The following CC2D1A variants were observed in gnomAD, a reference collection of about 807,000 sequenced individuals.
CC2D1A encodes coiled-coil and C2 domain containing 1A.
A neutral mutation model predicts 123.8 loss-of-function variants in CC2D1A; 68 were observed. That is an observed-to-expected ratio of 0.55 (90% confidence interval 0.45 to 0.67). The LOEUF (loss-of-function observed/expected upper bound fraction) is 0.67. Among genes scored for constraint, CC2D1A ranks in the 30% least tolerant of loss-of-function variants. The pLI, the probability that CC2D1A is intolerant of heterozygous loss-of-function variation, is 0.00. For synonymous variants in CC2D1A, 477 were observed against 528.0 expected, an observed-to-expected ratio of 0.90 and a Z score of 1.32; for missense variants, 1,185 against 1,290.3, an observed-to-expected ratio of 0.92 and a Z score of 1.25.
chr19:13,916,312 T>G (rs1971205940), intron 6 of CC2D1A, among the ~76,000 whole-genome samples: 1 of 151,564 alleles, frequency 6.6e-6, no homozygotes, highest in Non-Finnish European at 1.5e-5. Context: ...CACCTATAAT[T>G]CCAGCACTCT....
chr19:13,906,383 G>A lies in CC2D1A; in HGVS notation c.-59G>A. ...CGAGTGCGCGGCGACAGAGCCCGGGGAAGGAGGCAGGGCAAGGCCGGGCTT... is the reference window on the plus strand; with the variant it reads ...CGAGTGCGCGGCGACAGAGCCCGGGAAAGGAGGCAGGGCAAGGCCGGGCTT... On this transcript the variant is annotated 5_prime_UTR_variant, in exon 1 of 29. Coordinates refer to ENST00000318003, the MANE Select transcript of CC2D1A (RefSeq NM_017721.5). The surrounding 1 kb of genome is among the most constrained non-coding windows in gnomAD (Gnocchi z 4.1). The A allele has an allele frequency of 7.2e-7, 1 of 1,380,666 alleles. No homozygotes were observed. The allele number at this position is 1,380,666 out of a possible 1,614,324, so 85.5% of individuals were successfully genotyped here.
intron 6 of CC2D1A, among the ~76,000 whole-genome samples, chr19:13,915,135 T>A (rs1413769549): frequency 1.3e-5 from 2 of 152,268 alleles, no homozygotes; most frequent in Non-Finnish European, 1.5e-5. Flanking sequence ...CAAAAATTTT[T>A]CACAATGGAA....
At chr19:13,919,265 A>C in intron 11 of CC2D1A, 63 bp downstream of exon 11, 3 of 1,310,520 alleles carry the variant, frequency 2.3e-6, no homozygotes, top group Non-Finnish European at 3.1e-6. Flanking sequence ...CCGCCCCCAG[A>C]GGCCCCGCCG....
In CC2D1A at chr19:13,930,353, C is replaced by A. The variant is rs1479551639; in HGVS notation, c.2836-22C>A. 3 of 1,613,494 alleles carry A rather than the reference C, an allele frequency of 1.9e-6. 1 individual carries two copies. The South Asian group carries it at 3.3e-5, about 18-fold the overall frequency. ...GTGGTCGTAGCCCACCTCCATGACCCCAGTGGCCTCCTCTCCCCCAGCTGC... is the reference window on the plus strand; with the variant it reads ...GTGGTCGTAGCCCACCTCCATGACCACAGTGGCCTCCTCTCCCCCAGCTGC... On this transcript the variant is annotated intron_variant, in intron 28 of 28. Coordinates refer to ENST00000318003, the MANE Select transcript of CC2D1A (RefSeq NM_017721.5). This position sits in a 1 kb window ranked among gnomAD's most constrained non-coding sequence, Gnocchi z 6.8.
At position 13,929,538 on chromosome 19, in the gene CC2D1A, T is replaced by C; in HGVS notation, c.2588T>C (p.Leu863Pro). ...FDQERLERKI[L>P]ALRQARRPVP... ...AGGACCCTCTGTATCCTCTAGATCC[T>C]GGCCCTCAGGCAGGCGCGGCGGCCG... is the stretch of plus-strand genomic sequence containing the variant. The change falls in exon 26 of 29, where the codon CTG (leucine) becomes CCG (proline). Residue 863 changes from leucine (L) to proline (P), a missense_variant. By Grantham distance (98) the Leu-to-Pro change is moderately conservative. Transcript: ENST00000318003. The C allele has an allele frequency of 6.2e-7, 1 of 1,611,976 alleles. No individual in the cohort carries two copies. The highest frequency in any genetic ancestry group is 8.5e-7 in the Non-Finnish European group (1 of 1,179,780).
In CC2D1A at chr19:13,906,520, G is replaced by A; in HGVS notation, c.60+19G>A. ...CCGCCAGGTGAGTTTGCGCCCCACGGCCCGACCTGGGGATCCCTCCCCACC... is the reference window on the plus strand; with the variant it reads ...CCGCCAGGTGAGTTTGCGCCCCACGACCCGACCTGGGGATCCCTCCCCACC... On this transcript the variant is annotated intron_variant, in intron 1 of 28. Coordinates refer to ENST00000318003, the MANE Select transcript of CC2D1A (RefSeq NM_017721.5). The surrounding 1 kb of genome is among the most constrained non-coding windows in gnomAD (Gnocchi z 4.1). 2.0e-6 allele frequency: 3 copies of A among 1,466,036 alleles called. No homozygotes were observed. Among genetic ancestry groups the A allele is most frequent in the East Asian group, 2.9e-5 (1 of 34,176 alleles). The allele number at this position is 1,466,036 out of a possible 1,614,324, so 90.8% of individuals were successfully genotyped here. A position where few individuals can be genotyped will look rare whatever the true frequency, so the allele number is the denominator to read the frequency against.
rs766084453 is a variant in CC2D1A, at chr19:13,913,239, A to C, written c.450A>C (p.Ala150=). The part of the protein sequence containing the change: ...LQERLALYQT[A]IESARQAGDS... ...AGAGGCTGGCGCTCTATCAGACAGC[A>C]ATTGAAAGCGCCAGACAAGCTGGAG... Residue 150 remains alanine, a synonymous_variant, in exon 5 of 29, where the codon GCA becomes GCC. Coordinates refer to ENST00000318003, the MANE Select transcript of CC2D1A (RefSeq NM_017721.5). 2 of 1,613,570 alleles carry C rather than the reference A, an allele frequency of 1.2e-6. No individual in the cohort carries two copies. The highest frequency in any genetic ancestry group is 1.7e-6 in the Non-Finnish European group (2 of 1,179,910).
intron 2 of CC2D1A, among the ~76,000 whole-genome samples, chr19:13,911,777 G>A (rs538966404): frequency 1.4e-5 from 2 of 145,620 alleles, no homozygotes; most frequent in Admixed American, 7.2e-5. Context: ...GTACAGTGGC[G>A]CGATCTTGGC....
chr19:13,912,294 G>C, intron 2 of CC2D1A, 29 bp from the exon 3 acceptor site: 1 of 1,565,374 alleles, frequency 6.4e-7, no homozygotes, highest in Non-Finnish European at 8.7e-7. Context: ...TACGACCCTG[G>C]TCCACCTGGG....
At chr19:13,920,511 T>C (rs774003734) in intron 12 of CC2D1A, 46 bp from the exon 13 acceptor site, 131 of 1,159,158 alleles carry the variant, frequency 1.1e-4, no homozygotes, top group Middle Eastern at 7.6e-4. Context: ...ACTGGACTCA[T>C]CACAGGCGCT....
intron 11 of CC2D1A, 139 bp downstream of exon 11, chr19:13,919,341 C>G: frequency 1.5e-6 from 1 of 651,598 alleles, no homozygotes; most frequent in Non-Finnish European, 2.6e-6. Context: ...CTATTACTCC[C>G]CATAGCACAG....
At chr19:13,925,440 C>T (rs1057308544) in intron 17 of CC2D1A, among the ~76,000 whole-genome samples, 1 of 152,062 alleles carries the variant, frequency 6.6e-6, no homozygotes, top group East Asian at 1.9e-4. Flanking sequence ...ATTATCCGGG[C>T]GTGGTGGTAG....
Position 13,926,586 on chromosome 19 carries a change from C to T in CC2D1A, c.2010C>T (p.Pro670=), listed in dbSNP as rs578202854. 2 of 1,614,130 alleles carry T rather than the reference C, an allele frequency of 1.2e-6. No homozygotes were observed. The highest frequency in any genetic ancestry group is 2.2e-5 in the East Asian group (1 of 44,862). ...TGAAGGGCATCAACTTGCCCACACC[C>T]CCAGGTGAGGGGGCTGTAGGCAAGG... The part of the protein sequence containing the change: ...FIVKGINLPT[P]PGLSPGDLDV... The change falls in exon 18 of 29, where the codon CCC becomes CCT. Residue 670 remains proline (P), a synonymous_variant. Transcript: ENST00000318003.
chr19:13,926,932 A>C lies in CC2D1A; in HGVS notation c.2126-46A>C, dbSNP rs750581. On this transcript the variant is annotated intron_variant, in intron 20 of 28. Transcript: ENST00000318003. The stretch of plus-strand genomic sequence containing the variant: ...CCTTGCAGCAGAAGGGACATAAGAC[A>C]ATGGCCTGACCCCACCCAACTTCCT... 35,446 of 1,612,236 alleles carry C rather than the reference A, an allele frequency of 0.022. 4,566 individuals are homozygous for C. The African/African-American group carries it at 0.34, about 15-fold the overall frequency.
chr19:13,926,045 C>T (rs11668919), intron 17 of CC2D1A, among the ~76,000 whole-genome samples: 68,484 of 107,724 alleles, frequency 0.64, 22,996 homozygotes, highest in Middle Eastern at 0.73. Context: ...TATATATATA[C>T]ACGTATATAT....
At position 13,909,886 on chromosome 19, in the gene CC2D1A, G is replaced by A; in HGVS notation, c.124G>A (p.Glu42Lys). Reference protein sequence around the residue: ...LMIPEDGANDEELEAEFLALV... With the variant: ...LMIPEDGANDKELEAEFLALV... Reference sequence around the variant, plus strand: ...GATCCCTGAGGACGGGGCTAACGATGAAGAACTGGAGGCTGAGTTCTTGGC... The same window carrying A: ...GATCCCTGAGGACGGGGCTAACGATAAAGAACTGGAGGCTGAGTTCTTGGC... The change falls in exon 2 of 29, where the codon GAA becomes AAA. Residue 42 changes from glutamate (E) to lysine (K), a missense_variant. By Grantham distance (56) the Glu-to-Lys change is moderately conservative. Coordinates refer to ENST00000318003, the MANE Select transcript of CC2D1A (RefSeq NM_017721.5). 6.4e-7 allele frequency: 1 copy of A among 1,569,074 alleles called. No individual in the cohort carries two copies. Among genetic ancestry groups the A allele is most frequent in the Non-Finnish European group, 8.7e-7 (1 of 1,155,918 alleles).
chr19:13,929,419 G>T lies in CC2D1A; in HGVS notation c.2560G>T (p.Asp854Tyr). 6.2e-7 allele frequency: 1 copy of T among 1,613,480 alleles called. No homozygotes were observed. The highest frequency in any genetic ancestry group is 1.1e-5 in the South Asian group (1 of 91,032). ...PLHSLSVLAF[D>Y]QERLERKILA... is the part of the protein sequence containing the mutation. ...GCATAGCCTCAGTGTGCTGGCGTTTGACCAAGAGCGTCTGGAGCGGAAGGT... is the reference window on the plus strand; with the variant it reads ...GCATAGCCTCAGTGTGCTGGCGTTTTACCAAGAGCGTCTGGAGCGGAAGGT... Residue 854 changes from aspartate (D) to tyrosine (Y), a missense_variant, in exon 25 of 29, where the codon GAC (aspartate) becomes TAC (tyrosine). Physicochemically the swap from Asp to Tyr is radical, Grantham distance 160 (BLOSUM62 -3). Transcript: ENST00000318003.
Position 13,909,921 on chromosome 19 carries a change from G to T in CC2D1A, c.159G>T (p.Gly53=). ...AGGCTGAGTTCTTGGCTTTGGTCGG[G>T]GGCCAGCCCCCAGCCCTGGAGAAGC... The part of the protein sequence containing the change: ...ELEAEFLALV[G]GQPPALEKLK... Residue 53 remains glycine (G), a synonymous_variant, in exon 2 of 29, where the codon GGG becomes GGT. Transcript: ENST00000318003. 6.5e-7 allele frequency: 1 copy of T among 1,538,054 alleles called. No individual in the cohort carries two copies. Among genetic ancestry groups the T allele is most frequent in the Admixed American group, 2.1e-5 (1 of 48,326 alleles).
intron 9 of CC2D1A, 41 bp from the exon 10 acceptor site, chr19:13,918,871 C>T: frequency 1.2e-6 from 2 of 1,608,696 alleles, no homozygotes; most frequent in Non-Finnish European, 1.7e-6. Flanking sequence ...GACTGTCTAC[C>T]CATCCGTTGA....
Sources: gnomAD v4.1 joint callset for allele counts (sites outside exome capture counted in the v4.1 genomes callset) on GRCh38, gnomAD v4.1.1 for gene constraint, Gnocchi (gnomAD v3.1) non-coding constraint, MANE v1.5 for transcripts, NCBI Gene and HGNC (gene_info 2026-07-23, HGNC 2026-07-21) for gene names.